Variants in NFAT5 observed in about 807,000 individuals in gnomAD.
The protein encoded by NFAT5 is nuclear factor of activated T-cells 5.
NFAT5 carries 31 observed loss-of-function variants against 166.5 expected under a neutral mutation model. The observed-to-expected ratio is 0.19, with a 90% CI of 0.14 to 0.25. NFAT5 has a LOEUF of 0.25. Among genes scored for constraint, NFAT5 ranks in the 10% least tolerant of loss-of-function variants. The probability of loss-of-function intolerance (pLI) is 1.00; values close to 1 mark genes in which losing one functional copy is unlikely to be tolerated. For missense variants in NFAT5, 1,449 were observed against 1,821.8 expected, an observed-to-expected ratio of 0.80 and a Z score of 3.72; for synonymous variants, 612 against 639.7, an observed-to-expected ratio of 0.96 and a Z score of 0.65.
chr16:69,668,702 G>A (rs1425078400), intron 7 of NFAT5, among the ~76,000 whole-genome samples: 1 of 150,778 alleles, frequency 6.6e-6, no homozygotes, highest in South Asian at 2.1e-4. Flanking sequence ...TTTTTGAGAC[G>A]AAGTCTTGCT....
At chr16:69,659,638 G>A in intron 6 of NFAT5, 89 bp from the exon 7 acceptor site, 8 of 1,130,532 alleles carry the variant, frequency 7.1e-6, no homozygotes, top group Non-Finnish European at 9.6e-6. Flanking sequence ...TAATAGATAA[G>A]CAAAATTTTA....
intron 11 of NFAT5, among the ~76,000 whole-genome samples, chr16:69,689,579 C>T (rs1485458263): frequency 1.3e-5 from 2 of 152,130 alleles, no homozygotes; most frequent in African/African-American, 2.4e-5. Context: ...AGTCTTGCTC[C>T]GTTGCCCAGC....
At chr16:69,576,069 G>C (rs938922439) in intron 2 of NFAT5, among the ~76,000 whole-genome samples, 4 of 151,948 alleles carry the variant, frequency 2.6e-5, no homozygotes, top group Non-Finnish European at 5.9e-5. Flanking sequence ...TTGGGAGGCC[G>C]AGGTGGGCGG....
chr16:69,566,213 TCGGTGCCCGCGGTC>T lies in NFAT5; in HGVS notation c.-87_-74del. 1 of 1,257,542 alleles carries T rather than the reference TCGGTGCCCGCGGTC, an allele frequency of 8.0e-7. No homozygotes were observed. The highest frequency in any genetic ancestry group is 1.1e-6 in the Non-Finnish European group (1 of 893,970). The allele number at this position is 1,257,542 out of a possible 1,614,324, so 77.9% of individuals were successfully genotyped here. On this transcript the variant is annotated 5_prime_UTR_variant, in exon 1 of 15. Transcript: ENST00000349945. The surrounding 1 kb of genome is among the most constrained non-coding windows in gnomAD (Gnocchi z 5.7). ...CCGCCCTCGCGTCGCCGCCCCCGGT[TCGGTGCCCGCGGTC>T]CCGGAGAGGAGGTGCCGCCGCCACC...
chr16:69,581,216 A>G (rs1379665545), intron 2 of NFAT5, among the ~76,000 whole-genome samples: 1 of 151,952 alleles, frequency 6.6e-6, no homozygotes, highest in Non-Finnish European at 1.5e-5. Context: ...AATTTTTTGT[A>G]TTTTTAGTAG....
chr16:69,626,183 C>T (rs2034451861), intron 2 of NFAT5, among the ~76,000 whole-genome samples: 3 of 151,508 alleles, frequency 2.0e-5, no homozygotes, highest in Admixed American at 2.0e-4. Flanking sequence ...TAATTCCTGG[C>T]CTCAAGCAAT....
At chr16:69,656,179 G>T (rs1245492404) in intron 6 of NFAT5, among the ~76,000 whole-genome samples, 1 of 151,392 alleles carries the variant, frequency 6.6e-6, no homozygotes, top group Non-Finnish European at 1.5e-5. Context: ...TACTTGGGAG[G>T]CTGAGGCAGG....
At chr16:69,655,577 T>G (rs367633238) in intron 5 of NFAT5, 32 bp from the exon 6 acceptor site, 2 of 1,484,020 alleles carry the variant, frequency 1.3e-6, no homozygotes, top group African/African-American at 2.8e-5. Flanking sequence ...AAATACTAAT[T>G]AGTGTTTCTG....
chr16:69,635,026 T>G (rs1221685088), intron 3 of NFAT5, among the ~76,000 whole-genome samples: 1 of 35,632 alleles, frequency 2.8e-5, no homozygotes, highest in Non-Finnish European at 5.0e-5. Context: ...TAGTAAAGTT[T>G]TTTTTTTTTT....
chr16:69,571,343 A>G (rs2016426539), intron 2 of NFAT5, among the ~76,000 whole-genome samples: 1 of 151,564 alleles, frequency 6.6e-6, no homozygotes, highest in Non-Finnish European at 1.5e-5. Context: ...CAAAATAAGA[A>G]CTCAGCGAAT....
intron 2 of NFAT5, among the ~76,000 whole-genome samples, chr16:69,573,256 CTATT>C (rs2016545145): frequency 6.6e-6 from 1 of 151,984 alleles, no homozygotes; most frequent in Admixed American, 6.5e-5. Flanking sequence ...TACTGCTAAT[CTATT>C]TGATATGGTA....
At chr16:69,637,706 T>C (rs1487622637) in intron 3 of NFAT5, among the ~76,000 whole-genome samples, 1 of 152,172 alleles carries the variant, frequency 6.6e-6, no homozygotes, top group African/African-American at 2.4e-5. Context: ...CTGTGACACA[T>C]GGAATTCTGG....
intron 9 of NFAT5, among the ~76,000 whole-genome samples, chr16:69,673,362 C>T (rs2036700713): frequency 6.6e-6 from 1 of 151,620 alleles, no homozygotes; most frequent in South Asian, 2.1e-4. Context: ...GAGCTGAGAT[C>T]CTAGAGAATT....
At chr16:69,659,153 G>T (rs2036018919) in intron 6 of NFAT5, among the ~76,000 whole-genome samples, 2 of 150,114 alleles carry the variant, frequency 1.3e-5, no homozygotes, top group Non-Finnish European at 1.5e-5. Context: ...TTAAAAAAAA[G>T]GTCTCTGGCC....
At chr16:69,570,281 C>A (rs1397994306) in intron 2 of NFAT5, among the ~76,000 whole-genome samples, 1 of 152,058 alleles carries the variant, frequency 6.6e-6, no homozygotes, top group African/African-American at 2.4e-5. Flanking sequence ...TGTTTTGAGA[C>A]AGGGTGTCTT....
At chr16:69,657,912 C>A (rs1309301786) in intron 6 of NFAT5, among the ~76,000 whole-genome samples, 2 of 146,222 alleles carry the variant, frequency 1.4e-5, no homozygotes, top group African/African-American at 5.1e-5. Context: ...GGTGAAACCC[C>A]GTCTCTACTA....
chr16:69,683,348 A>G (rs1360280272), intron 10 of NFAT5, among the ~76,000 whole-genome samples: 2 of 152,164 alleles, frequency 1.3e-5, no homozygotes, highest in Admixed American at 6.5e-5. Flanking sequence ...CCTGGGCAAC[A>G]TGGCGAAACA....
chr16:69,604,305 G>C (rs1426510814), intron 2 of NFAT5, among the ~76,000 whole-genome samples: 1 of 152,132 alleles, frequency 6.6e-6, no homozygotes, highest in Non-Finnish European at 1.5e-5. Flanking sequence ...ACTGCTCTTG[G>C]TACCTTGTAG....
chr16:69,677,034 G>A, intron 9 of NFAT5, 169 bp from the exon 10 acceptor site: 1 of 584,246 alleles, frequency 1.7e-6, no homozygotes, highest in East Asian at 3.3e-5. Context: ...TACCTTAAAA[G>A]CAGTGTTAAG....
Sources: allele counts gnomAD v4.1 joint callset (sites outside exome capture counted in the v4.1 genomes callset), GRCh38; gene constraint gnomAD v4.1.1; non-coding constraint Gnocchi (gnomAD v3.1); transcripts MANE v1.5; gene names NCBI Gene and HGNC (gene_info 2026-07-23, HGNC 2026-07-21).